BLTP1: variants seen among roughly 807,000 people sequenced by gnomAD.
BLTP1 encodes fragile site-associated protein.
chr4:122,176,781 C>T, the BLTP1 span, among the ~76,000 whole-genome samples: 662 of 152,192 alleles, frequency 4.3e-3, 8 homozygotes, highest in African/African-American at 0.015. Context: ...AATATTTTGC[C>T]GTAGTTCTTT....
chr4:122,191,292 C>T, the BLTP1 span, among the ~76,000 whole-genome samples: 1 of 151,728 alleles, frequency 6.6e-6, no homozygotes, highest in South Asian at 2.1e-4. Flanking sequence ...CATGGAGTGC[C>T]AGTTTTATTT....
the BLTP1 span, chr4:122,206,161 C>CT: frequency 3.1e-4 from 221 of 717,854 alleles, no homozygotes; most frequent in Non-Finnish European, 3.4e-4. Context: ...AAAGTCAAGT[C>CT]TATGTTTCAT....
chr4:122,238,377 C>T, the BLTP1 span: 1 of 1,580,686 alleles, frequency 6.3e-7, no homozygotes. Flanking sequence ...ATTTAGAAGC[C>T]TGATCATAAA....
the BLTP1 span, chr4:122,219,705 ACT>A: frequency 1.7e-6 from 1 of 594,628 alleles, no homozygotes; most frequent in South Asian, 2.5e-5. Context: ...CTGTTATAAA[ACT>A]CATGTATTTT....
chr4:122,355,761 T>C, the BLTP1 span: 3 of 1,555,118 alleles, frequency 1.9e-6, no homozygotes, highest in Non-Finnish European at 2.6e-6. Flanking sequence ...GCCTATTGTT[T>C]TAATTTGACT....
the BLTP1 span, chr4:122,254,817 T>C: frequency 1.3e-6 from 2 of 1,577,498 alleles, no homozygotes; most frequent in Non-Finnish European, 1.7e-6. Context: ...AGCTGAACCT[T>C]TTAAGCACTG....
chr4:122,219,479 C>A, the BLTP1 span: 1 of 1,614,054 alleles, frequency 6.2e-7, no homozygotes, highest in Admixed American at 1.7e-5. Flanking sequence ...AATGAAGGTT[C>A]AGCCAAGTCA....
the BLTP1 span, chr4:122,215,266 A>T: frequency 9.0e-6 from 7 of 774,124 alleles, no homozygotes; most frequent in Non-Finnish European, 1.1e-5. Context: ...TGAACATTAG[A>T]CCCAAGGGTA....
the BLTP1 span, chr4:122,249,196 A>G: frequency 1.7e-6 from 1 of 597,894 alleles, no homozygotes; most frequent in South Asian, 7.5e-5. Context: ...TACTGTGAAG[A>G]TAAATTATTT....
the BLTP1 span, among the ~76,000 whole-genome samples, chr4:122,175,566 A>AATATG: frequency 3.9e-5 from 6 of 152,314 alleles, no homozygotes; most frequent in South Asian, 1.2e-3. Flanking sequence ...TAATTAGAAG[A>AATATG]ATATGATATT....
At chr4:122,183,065 G>A in the BLTP1 span, 2 of 974,998 alleles carry the variant, frequency 2.1e-6, no homozygotes, top group Admixed American at 1.2e-4. Flanking sequence ...GTTGGTTGCA[G>A]TAGCTCACAC....
the BLTP1 span, chr4:122,184,669 A>G: frequency 2.0e-6 from 2 of 984,492 alleles, no homozygotes; most frequent in South Asian, 4.7e-5. Context: ...AAAAACATTC[A>G]TAGCAGTTGC....
At chr4:122,157,620 C>T in the BLTP1 span, among the ~76,000 whole-genome samples, 1 of 152,098 alleles carries the variant, frequency 6.6e-6, no homozygotes, top group East Asian at 1.9e-4. Flanking sequence ...TGCTGTGTGG[C>T]CTAGTTCCTA....
At chr4:122,267,636 A>G in the BLTP1 span, 1 of 979,134 alleles carries the variant, frequency 1.0e-6, no homozygotes, top group Non-Finnish European at 1.2e-6. Context: ...AATAGGGCAG[A>G]AGTCATATTG....
chr4:122,257,525 T>C, the BLTP1 span: 4 of 1,604,460 alleles, frequency 2.5e-6, no homozygotes, highest in South Asian at 3.3e-5. Context: ...TTGAGTACTT[T>C]CTTACACCTC....
the BLTP1 span, among the ~76,000 whole-genome samples, chr4:122,154,644 C>T: frequency 7.2e-5 from 11 of 152,184 alleles, no homozygotes; most frequent in African/African-American, 1.2e-4. Context: ...GAGGCCGAGG[C>T]GGGCGGATCA....
chr4:122,279,976 T>C, the BLTP1 span: 41 of 1,613,922 alleles, frequency 2.5e-5, no homozygotes, highest in Non-Finnish European at 3.4e-5. Context: ...GACAGCCTTC[T>C]ACAGCGTAAG....
chr4:122,281,849 G>A, the BLTP1 span: 4 of 1,385,894 alleles, frequency 2.9e-6, no homozygotes, highest in South Asian at 1.8e-5. Context: ...TTGATAAAAA[G>A]GTAAATTTGG....
chr4:122,302,036 A>G, the BLTP1 span: 18 of 173,746 alleles, frequency 1.0e-4, no homozygotes, highest in Non-Finnish European at 1.9e-4. Flanking sequence ...GTGCCACTGC[A>G]TTTGAGCCTG....
Sources: allele counts gnomAD v4.1 joint callset (sites outside exome capture counted in the v4.1 genomes callset), GRCh38; gene constraint gnomAD v4.1.1; transcripts MANE v1.5; gene names NCBI Gene and HGNC (gene_info 2026-07-23, HGNC 2026-07-21).